The following TPH2 variants were observed in gnomAD, a reference collection of about 807,000 sequenced individuals.
TPH2 encodes tryptophan 5-hydroxylase 2.
Under a neutral mutation model 59.1 loss-of-function variants are expected in TPH2, and 27 were observed. The ratio of observed to expected loss-of-function variants is 0.46; its 90% CI spans 0.34 to 0.63. The LOEUF (loss-of-function observed/expected upper bound fraction) is 0.63, where lower values mean the gene tolerates loss of function less well. Among genes scored for constraint, TPH2 ranks in the 30% least tolerant of loss-of-function variants. The probability of loss-of-function intolerance (pLI) is 0.01; values close to 1 mark genes in which losing one functional copy is unlikely to be tolerated. For missense variants in TPH2, 523 were observed against 588.3 expected, an observed-to-expected ratio of 0.89 and a Z score of 1.15; for synonymous variants, 220 against 210.5, an observed-to-expected ratio of 1.05 and a Z score of -0.39.
At position 71,938,897 on chromosome 12, in the gene TPH2, T is replaced by A. The variant is rs1254698038; in HGVS notation, c.-90T>A. 8.0e-6 allele frequency: 9 copies of A among 1,120,138 alleles called. No homozygotes were observed. Among genetic ancestry groups the A allele is most frequent in the Non-Finnish European group, 1.2e-5 (9 of 737,518 alleles). 69.4% of individuals were successfully genotyped at this position (1,120,138 alleles called of 1,614,324 possible). ...GACAGCGCCCCAAGCAGGCAGCTGA[T>A]CGCACGCCCCTTCCTCTCAATCTCC... On this transcript the variant is annotated 5_prime_UTR_variant, in exon 1 of 11. Coordinates refer to ENST00000333850, the MANE Select transcript of TPH2 (RefSeq NM_173353.4).
At chr12:71,951,702 A>ATGTGTG (rs147723226) in intron 5 of TPH2, among the ~76,000 whole-genome samples, 2,925 of 149,030 alleles carry the variant, frequency 0.02, 90 homozygotes, top group African/African-American at 0.066. Context: ...GTGTGTGTGC[A>ATGTGTG]TGTGTGTGTG....
intron 1 of TPH2, among the ~76,000 whole-genome samples, chr12:71,940,638 T>A (rs2139175144): frequency 6.6e-6 from 1 of 152,324 alleles, no homozygotes; most frequent in Middle Eastern, 3.4e-3. Context: ...GTCTGTCAAA[T>A]GAAAGTTTCC....
chr12:71,974,442 G>A (rs748714058), intron 6 of TPH2, among the ~76,000 whole-genome samples: 9 of 152,048 alleles, frequency 5.9e-5, no homozygotes, highest in East Asian at 1.9e-4. Context: ...TCCTTGGCTC[G>A]TGGACTCTTC....
rs538293855 is a variant in TPH2, at chr12:72,030,861, A to C, written c.1165-397A>C. The stretch of plus-strand genomic sequence containing the variant: ...TTATTACTTCTGCCATTTAAGTGAA[A>C]TTTTAGTACATTGCTTATAGCAATA... On this transcript the variant is annotated intron_variant, in intron 9 of 10. Transcript: ENST00000333850. Among the ~76,000 whole-genome samples, 4 of 152,250 alleles carry C rather than the reference A, an allele frequency of 2.6e-5. No homozygotes were observed. The East Asian group carries it at 7.7e-4, about 29-fold the overall frequency.
At chr12:71,961,129 T>G (rs1474302581) in intron 5 of TPH2, among the ~76,000 whole-genome samples, 1 of 152,150 alleles carries the variant, frequency 6.6e-6, no homozygotes, top group Non-Finnish European at 1.5e-5. Flanking sequence ...CTTGTACTGA[T>G]GTGTATTGGT....
At chr12:71,942,724 T>C (rs1318549562) in intron 2 of TPH2, among the ~76,000 whole-genome samples, 1 of 152,222 alleles carries the variant, frequency 6.6e-6, no homozygotes, top group Non-Finnish European at 1.5e-5. Flanking sequence ...GATGCCTCTA[T>C]GATGATCATA....
In TPH2 at chr12:71,939,105, A is replaced by G; in HGVS notation, c.105+14A>G. On this transcript the variant is annotated intron_variant, in intron 1 of 10. Coordinates refer to ENST00000333850, the MANE Select transcript of TPH2 (RefSeq NM_173353.4). ...GGCAGCTCAACAGTGAGTACTACGT[A>G]CCTGGCACTATGGAGAATTATTTTT... 1 of 1,593,336 alleles carries G rather than the reference A, an allele frequency of 6.3e-7. No individual in the cohort carries two copies. The highest frequency in any genetic ancestry group is 8.6e-7 in the Non-Finnish European group (1 of 1,161,808).
At chr12:71,973,474 C>T (rs966266394) in intron 6 of TPH2, among the ~76,000 whole-genome samples, 2 of 152,158 alleles carry the variant, frequency 1.3e-5, no homozygotes, top group South Asian at 4.1e-4. Flanking sequence ...ATGGCAATGT[C>T]GGGAAATTAC....
intron 5 of TPH2, chr12:71,962,757 C>G (rs1871722577): frequency 2.2e-6 from 2 of 910,674 alleles, no homozygotes; most frequent in African/African-American, 1.8e-5. Flanking sequence ...GAGTATCTGT[C>G]ATCCAAGCTG....
intron 2 of TPH2, among the ~76,000 whole-genome samples, chr12:71,942,386 A>T (rs1481263888): frequency 6.6e-6 from 1 of 152,144 alleles, no homozygotes; most frequent in East Asian, 1.9e-4. Flanking sequence ...GCCAGCATGT[A>T]CCTAATGGTT....
At chr12:71,990,798 CT>C (rs1325001397) in intron 7 of TPH2, among the ~76,000 whole-genome samples, 1 of 152,196 alleles carries the variant, frequency 6.6e-6, no homozygotes, top group East Asian at 1.9e-4. Flanking sequence ...AAGGGAAGTT[CT>C]TTCTCAGGGT....
intron 7 of TPH2, among the ~76,000 whole-genome samples, chr12:71,982,452 T>C (rs1470478673): frequency 6.6e-6 from 1 of 152,178 alleles, no homozygotes; most frequent in Non-Finnish European, 1.5e-5. Context: ...CTGCTACTAG[T>C]TTCCATTTCA....
intron 8 of TPH2, among the ~76,000 whole-genome samples, chr12:72,001,427 T>G (rs1872817794): frequency 6.6e-6 from 1 of 151,504 alleles, no homozygotes. Context: ...AGCTTTGTGT[T>G]CTTTTTTTTT....
At chr12:72,017,279 T>G (rs1873284688) in intron 8 of TPH2, among the ~76,000 whole-genome samples, 1 of 152,142 alleles carries the variant, frequency 6.6e-6, no homozygotes, top group Non-Finnish European at 1.5e-5. Context: ...GCGACCTATC[T>G]CATTTTCCTA....
At chr12:71,951,738 G>T (rs1166256318) in intron 5 of TPH2, among the ~76,000 whole-genome samples, 1 of 151,744 alleles carries the variant, frequency 6.6e-6, no homozygotes, top group Admixed American at 6.6e-5. Flanking sequence ...AAAATGACAT[G>T]ATTTCGGCCG....
chr12:71,992,406 G>A (rs1447675764), intron 7 of TPH2, among the ~76,000 whole-genome samples: 2 of 151,844 alleles, frequency 1.3e-5, no homozygotes, highest in African/African-American at 4.8e-5. Context: ...ACATTGTGAG[G>A]AACCCCCACC....
chr12:71,951,332 T>C (rs1292889289), intron 5 of TPH2, among the ~76,000 whole-genome samples: 1 of 151,986 alleles, frequency 6.6e-6, no homozygotes, highest in East Asian at 1.9e-4. Context: ...ACTGTAAAGG[T>C]GGATCCTTAG....
At chr12:71,940,703 G>T (rs1871033708) in intron 1 of TPH2, among the ~76,000 whole-genome samples, 1 of 152,040 alleles carries the variant, frequency 6.6e-6, no homozygotes, top group African/African-American at 2.4e-5. Flanking sequence ...AAAGTTTCCA[G>T]CTTTTTATTC....
At chr12:72,028,013 G>A (rs1287473424) in intron 9 of TPH2, among the ~76,000 whole-genome samples, 4 of 152,148 alleles carry the variant, frequency 2.6e-5, no homozygotes, top group Non-Finnish European at 4.4e-5. Flanking sequence ...GCTACATTTA[G>A]AACCCAAGTC....
Sources: allele counts gnomAD v4.1 joint callset (sites outside exome capture counted in the v4.1 genomes callset), GRCh38; gene constraint gnomAD v4.1.1; transcripts MANE v1.5; gene names NCBI Gene and HGNC (gene_info 2026-07-23, HGNC 2026-07-21).